Variants in MITF observed in about 807,000 individuals in gnomAD.
The protein encoded by MITF is microphthalmia-associated transcription factor.
A neutral mutation model predicts 60.5 loss-of-function variants in MITF; 17 were observed. That is an observed-to-expected ratio of 0.28 (90% CI 0.19 to 0.42). MITF has a LOEUF of 0.42. Among genes scored for constraint, MITF ranks in the 10% least tolerant of loss-of-function variants. The pLI, the probability that MITF is intolerant of heterozygous loss-of-function variation, is 1.00. For synonymous variants in MITF, 260 were observed against 248.5 expected, an observed-to-expected ratio of 1.05 and a Z score of -0.43; for missense variants, 622 against 683.5, an observed-to-expected ratio of 0.91 and a Z score of 1.00.
intron 1 of MITF, among the ~76,000 whole-genome samples, chr3:69,847,850 G>C (rs1057384949): frequency 3.3e-5 from 5 of 152,142 alleles, no homozygotes; most frequent in Admixed American, 1.3e-4. Flanking sequence ...TTCATAACAG[G>C]AATTCTTATT....
At chr3:69,822,885 T>C (rs2063297730) in intron 1 of MITF, among the ~76,000 whole-genome samples, 1 of 151,622 alleles carries the variant, frequency 6.6e-6, no homozygotes, top group African/African-American at 2.4e-5. Flanking sequence ...GTTTCCAAGG[T>C]TTATTTATTT....
intron 1 of MITF, among the ~76,000 whole-genome samples, chr3:69,862,352 T>C (rs1417541248): frequency 6.6e-6 from 1 of 152,126 alleles, no homozygotes; most frequent in African/African-American, 2.4e-5. Flanking sequence ...AGATGCTTCT[T>C]AAATTGTGTG....
In MITF at chr3:69,949,130, G is replaced by T. The variant is rs1338577896; in HGVS notation, c.842G>T (p.Cys281Phe). The T allele has an allele frequency of 6.2e-7, 1 of 1,613,574 alleles. No homozygotes were observed. The highest frequency in any genetic ancestry group is 8.5e-7 in the Non-Finnish European group (1 of 1,179,794). Reference protein sequence around the residue: ...PPPGLTISNSCPANLPNIKRE... With the variant: ...PPPGLTISNSFPANLPNIKRE... ...CCAGGCCTCACCATCAGCAACTCCT[G>T]TCCAGCCAACCTTCCCAACATAAAA... The change falls in exon 6 of 10, where the codon TGT (cysteine) becomes TTT (phenylalanine). Residue 281 changes from cysteine (C) to phenylalanine (F), a missense_variant. Transcript: ENST00000352241.
intron 1 of MITF, among the ~76,000 whole-genome samples, chr3:69,787,428 C>T (rs771072692): frequency 2.0e-5 from 3 of 152,182 alleles, no homozygotes; most frequent in Admixed American, 6.5e-5. Context: ...AATGAATAAA[C>T]GACTAGATCA....
chr3:69,842,638 T>A (rs940707171), intron 1 of MITF, among the ~76,000 whole-genome samples: 3 of 152,176 alleles, frequency 2.0e-5, no homozygotes, highest in Non-Finnish European at 4.4e-5. Context: ...TCACCTACTG[T>A]TTCTTGAAGA....
intron 1 of MITF, among the ~76,000 whole-genome samples, chr3:69,749,546 T>C (rs1340054462): frequency 6.6e-6 from 1 of 152,198 alleles, no homozygotes; most frequent in Non-Finnish European, 1.5e-5. Context: ...CCAGTTAAGG[T>C]CATTTACTTT....
intron 1 of MITF, among the ~76,000 whole-genome samples, chr3:69,791,759 A>G (rs1248013354): frequency 6.6e-6 from 1 of 152,198 alleles, no homozygotes; most frequent in African/African-American, 2.4e-5. Context: ...TTTCAAAGCT[A>G]TGCACTGCAT....
chr3:69,808,933 G>A (rs1392206439), intron 1 of MITF, among the ~76,000 whole-genome samples: 1 of 152,068 alleles, frequency 6.6e-6, no homozygotes. Flanking sequence ...TGGGGCTGGG[G>A]ACAAAAGTAA....
intron 7 of MITF, among the ~76,000 whole-genome samples, chr3:69,953,997 A>G (rs756369613): frequency 2.6e-5 from 4 of 152,180 alleles, no homozygotes; most frequent in Non-Finnish European, 5.9e-5. Flanking sequence ...GCCCAGGCAT[A>G]TAGATGTTGG....
intron 1 of MITF, among the ~76,000 whole-genome samples, chr3:69,781,778 G>A (rs570566691): frequency 4.6e-5 from 7 of 152,304 alleles, no homozygotes; most frequent in South Asian, 4.2e-4. Flanking sequence ...GTTGGCAGGC[G>A]TTAGTCTGAG....
chr3:69,879,716 T>C (rs182348920), intron 2 of MITF, among the ~76,000 whole-genome samples: 1 of 152,316 alleles, frequency 6.6e-6, no homozygotes, highest in Non-Finnish European at 1.5e-5. Flanking sequence ...AATTTGTGTA[T>C]CTTAAATATT....
At position 69,898,534 on chromosome 3, in the gene MITF, T is replaced by C. The variant is rs111300236; in HGVS notation, c.354+19151T>C. ...ATTGTACACACCAGAGAGAGGGCTG[T>C]GAGAGAAGATGTGATCCTTGAGAAG... On this transcript the variant is annotated intron_variant, in intron 2 of 9. Transcript: ENST00000352241. 7.6e-3 allele frequency among the ~76,000 whole-genome samples: 1,164 copies of C among 152,162 alleles called. 9 individuals are homozygous for C. The highest frequency in any genetic ancestry group is 0.026 in the African/African-American group (1,091 of 41,484).
At chr3:69,891,220 A>G (rs1412119939) in intron 2 of MITF, among the ~76,000 whole-genome samples, 4 of 152,214 alleles carry the variant, frequency 2.6e-5, no homozygotes, top group African/African-American at 4.8e-5. Flanking sequence ...AGCTCATAAT[A>G]CAATGTTATG....
chr3:69,769,330 T>C (rs1391160449), intron 1 of MITF, among the ~76,000 whole-genome samples: 1 of 152,244 alleles, frequency 6.6e-6, no homozygotes, highest in East Asian at 1.9e-4. Flanking sequence ...GTCTGGCACC[T>C]AGTTAGCACT....
chr3:69,953,604 T>C (rs954492382), intron 7 of MITF, among the ~76,000 whole-genome samples: 1 of 147,338 alleles, frequency 6.8e-6, no homozygotes, highest in South Asian at 2.1e-4. Context: ...TATATATGTA[T>C]GTATATGTAT....
At chr3:69,940,386 G>A (rs964651062) in intron 4 of MITF, among the ~76,000 whole-genome samples, 1 of 152,188 alleles carries the variant, frequency 6.6e-6, no homozygotes, top group African/African-American at 2.4e-5. Flanking sequence ...AATACATAAG[G>A]TGTTTATGAA....
At chr3:69,914,302 A>C (rs1193255388) in intron 2 of MITF, among the ~76,000 whole-genome samples, 2 of 152,076 alleles carry the variant, frequency 1.3e-5, no homozygotes, top group East Asian at 3.9e-4. Flanking sequence ...TTGTATTTTT[A>C]GTAGAGACAG....
At chr3:69,903,103 A>G (rs1278972167) in intron 2 of MITF, among the ~76,000 whole-genome samples, 1 of 152,202 alleles carries the variant, frequency 6.6e-6, no homozygotes, top group African/African-American at 2.4e-5. Context: ...TTATGAAACC[A>G]TAGAGATGAA....
In MITF at chr3:69,740,398, G is replaced by A. The variant is rs183680819; in HGVS notation, c.104+697G>A. Among the ~76,000 whole-genome samples the A allele has an allele frequency of 7.9e-5, 12 of 152,330 alleles. No individual in the cohort carries two copies. In the East Asian group the frequency reaches 9.7e-4, roughly 12 times the overall value. The stretch of plus-strand genomic sequence containing the variant: ...GGCCTTACCTGCAGAGGGGAAATGA[G>A]CCTTGGTCTTGGGGGTTACTGGGAG... On this transcript the variant is annotated intron_variant, in intron 1 of 9. Coordinates refer to ENST00000352241, the MANE Select transcript of MITF (RefSeq NM_001354604.2).
Sources: allele counts gnomAD v4.1 joint callset (sites outside exome capture counted in the v4.1 genomes callset), GRCh38; gene constraint gnomAD v4.1.1; transcripts MANE v1.5; gene names NCBI Gene and HGNC (gene_info 2026-07-23, HGNC 2026-07-21).